PCGF5: variants seen among roughly 807,000 people sequenced by gnomAD.
PCGF5 encodes the protein polycomb group ring finger 5, also known as polycomb group RING finger protein 5.
Under a neutral mutation model 44.3 loss-of-function variants are expected in PCGF5, and 9 were observed. That is an observed-to-expected ratio of 0.20 (90% CI 0.12 to 0.35). PCGF5 has a LOEUF of 0.35. PCGF5 is among the 10% of genes least tolerant of loss of function. PCGF5 has a pLI of 1.00. For missense variants in PCGF5, 146 were observed against 305.3 expected (o/e 0.48, Z 3.89); for synonymous variants, 95 against 102.5 (o/e 0.93, Z 0.44).
At chr10:91,188,089 A>T (rs1257617157) in intron 1 of PCGF5, among the ~76,000 whole-genome samples, 1 of 152,218 alleles carries the variant, frequency 6.6e-6, no homozygotes, top group African/African-American at 2.4e-5. Context: ...AACTCCCCCG[A>T]ACAGGAACAG....
intron 1 of PCGF5, among the ~76,000 whole-genome samples, chr10:91,183,912 G>A (rs1230962453): frequency 1.3e-5 from 2 of 152,138 alleles, no homozygotes; most frequent in Admixed American, 6.5e-5. Context: ...GGCTTGTAGG[G>A]TTTCTGCTGA....
At chr10:91,212,118 A>T (rs562202417) in intron 1 of PCGF5, among the ~76,000 whole-genome samples, 1 of 152,368 alleles carries the variant, frequency 6.6e-6, no homozygotes, top group African/African-American at 2.4e-5. Context: ...AATGCTTAGC[A>T]AAATACTGTG....
intron 2 of PCGF5, among the ~76,000 whole-genome samples, chr10:91,235,690 C>T (rs944612501): frequency 6.6e-6 from 1 of 152,126 alleles, no homozygotes; most frequent in African/African-American, 2.4e-5. Context: ...GCGGGTCTTT[C>T]TCACGCTGTT....
intron 8 of PCGF5, among the ~76,000 whole-genome samples, chr10:91,270,414 A>G (rs1253756991): frequency 1.3e-5 from 2 of 151,782 alleles, no homozygotes; most frequent in Non-Finnish European, 2.9e-5. Context: ...TGAAATTGCC[A>G]CTTTCCAGCT....
At chr10:91,264,369 A>G in intron 7 of PCGF5, 62 bp from the exon 8 acceptor site, 1 of 1,367,252 alleles carries the variant, frequency 7.3e-7, no homozygotes, top group Non-Finnish European at 1.0e-6. Context: ...ATTTCAAAAA[A>G]TATGCAAAAT....
intron 5 of PCGF5, among the ~76,000 whole-genome samples, chr10:91,250,330 T>C (rs1845593233): frequency 6.6e-6 from 1 of 151,948 alleles, no homozygotes; most frequent in African/African-American, 2.4e-5. Context: ...CAGGGAAGCT[T>C]TTCTACAAGT....
chr10:91,249,574 C>G (rs976819904), intron 5 of PCGF5, among the ~76,000 whole-genome samples: 1 of 151,444 alleles, frequency 6.6e-6, no homozygotes, highest in African/African-American at 2.4e-5. Flanking sequence ...GTAAGTTCAG[C>G]CTCCCAATCT....
At chr10:91,184,322 C>G (rs924777633) in intron 1 of PCGF5, among the ~76,000 whole-genome samples, 13 of 152,102 alleles carry the variant, frequency 8.5e-5, no homozygotes. Context: ...TCTTTAAGCT[C>G]TGAGATTCCT....
intron 1 of PCGF5, among the ~76,000 whole-genome samples, chr10:91,182,256 G>A (rs1843832327): frequency 6.6e-6 from 1 of 152,014 alleles, no homozygotes; most frequent in Non-Finnish European, 1.5e-5. Context: ...GGTTTGTTCA[G>A]GGATTCAGTT....
chr10:91,181,338 G>T (rs1843815775), intron 1 of PCGF5, among the ~76,000 whole-genome samples: 1 of 152,066 alleles, frequency 6.6e-6, no homozygotes, highest in Non-Finnish European at 1.5e-5. Flanking sequence ...CTATTTGAAT[G>T]CACTTTATTT....
chr10:91,203,333 A>G (rs1245302349), intron 1 of PCGF5, among the ~76,000 whole-genome samples: 2 of 149,696 alleles, frequency 1.3e-5, no homozygotes, highest in African/African-American at 2.6e-5. Flanking sequence ...GTAATTCTCT[A>G]GGAAAGTGTT....
intron 2 of PCGF5, among the ~76,000 whole-genome samples, chr10:91,232,891 C>T (rs1845049419): frequency 6.6e-6 from 1 of 152,092 alleles, no homozygotes; most frequent in South Asian, 2.1e-4. Context: ...GTATGACAGC[C>T]TGGCAGATGA....
chr10:91,167,631 T>C (rs1389017380), intron 1 of PCGF5, among the ~76,000 whole-genome samples: 1 of 152,130 alleles, frequency 6.6e-6, no homozygotes, highest in Admixed American at 6.5e-5. Flanking sequence ...TGGGAGAGAA[T>C]GCTGCATGGG....
chr10:91,217,519 T>G (rs1245081945), upstream of PCGF5, among the ~76,000 whole-genome samples: 2 of 152,158 alleles, frequency 1.3e-5, no homozygotes, highest in Non-Finnish European at 2.9e-5. Flanking sequence ...AATCTAGATA[T>G]AAAATATAAA....
At chr10:91,256,164 A>G (rs1417075218) in intron 6 of PCGF5, among the ~76,000 whole-genome samples, 1 of 152,088 alleles carries the variant, frequency 6.6e-6, no homozygotes, top group Admixed American at 6.6e-5. Context: ...CATAGATTTG[A>G]AATTATCTAT....
intron 1 of PCGF5, among the ~76,000 whole-genome samples, chr10:91,199,616 C>T (rs929351871): frequency 2.6e-5 from 4 of 152,202 alleles, no homozygotes; most frequent in Non-Finnish European, 4.4e-5. Context: ...AATTCAGCCA[C>T]GGCTCCAAAA....
chr10:91,229,312 G>A (rs1021390147), intron 2 of PCGF5, among the ~76,000 whole-genome samples: 1 of 152,142 alleles, frequency 6.6e-6, no homozygotes, highest in Non-Finnish European at 1.5e-5. Flanking sequence ...TAAGTAAAGT[G>A]GAATTTCAGG....
intron 3 of PCGF5, 119 bp from the exon 4 acceptor site, chr10:91,248,386 G>A (rs1845525987): frequency 5.5e-6 from 5 of 908,700 alleles, no homozygotes; most frequent in Non-Finnish European, 8.9e-6. Flanking sequence ...TGGTATAGTA[G>A]ATGTGCTAAA....
chr10:91,205,640 C>G (rs568219219), intron 1 of PCGF5, among the ~76,000 whole-genome samples: 1 of 152,146 alleles, frequency 6.6e-6, no homozygotes, highest in African/African-American at 2.4e-5. Context: ...AGATTCCTTG[C>G]CCTGCATCGG....
Sources: gnomAD v4.1 joint callset for allele counts (sites outside exome capture counted in the v4.1 genomes callset) on GRCh38, gnomAD v4.1.1 for gene constraint, MANE v1.5 for transcripts, NCBI Gene and HGNC (gene_info 2026-07-23, HGNC 2026-07-21) for gene names.